Variants in DOCK4 observed in about 807,000 individuals in gnomAD.
The protein encoded by DOCK4 is dedicator of cytokinesis protein 4.
DOCK4 carries 97 observed loss-of-function variants against 268.1 expected under a neutral mutation model. That is an observed-to-expected ratio of 0.36 (90% CI 0.31 to 0.43). The LOEUF is 0.43. DOCK4 is among the 20% of genes least tolerant of loss of function. The pLI is 1.00. For synonymous variants in DOCK4, 954 were observed against 887.2 expected (o/e 1.08, Z -1.34); for missense variants, 2,145 against 2,455.7 (o/e 0.87, Z 2.67).
At chr7:111,933,629 C>T (rs937240147) in intron 12 of DOCK4, among the ~76,000 whole-genome samples, 5 of 151,970 alleles carry the variant, frequency 3.3e-5, no homozygotes, top group Admixed American at 6.6e-5. Context: ...AAAGAGAAGA[C>T]AAGCATACAT....
chr7:111,935,010 A>ACAGAACAGTCACAAATCCAAGC (rs1794612054), intron 12 of DOCK4, among the ~76,000 whole-genome samples: 1 of 151,508 alleles, frequency 6.6e-6, no homozygotes, highest in African/African-American at 2.4e-5. Flanking sequence ...GCAATGGCAC[A>ACAGAACAGTCACAAATCCAAGC]ATCTCAGCTC....
At chr7:111,740,797 T>TCTGAG (rs1406423485) in intron 47 of DOCK4, among the ~76,000 whole-genome samples, 1 of 119,714 alleles carries the variant, frequency 8.4e-6, no homozygotes, top group Non-Finnish European at 1.6e-5. Context: ...GGCAACACAC[T>TCTGAG]CTGAGAGTCC....
intron 12 of DOCK4, among the ~76,000 whole-genome samples, chr7:111,916,259 T>C (rs1347320492): frequency 6.6e-6 from 1 of 151,966 alleles, no homozygotes; most frequent in Non-Finnish European, 1.5e-5. Context: ...CCCTAAAAAA[T>C]ACTGACATCA....
At chr7:112,064,998 T>C (rs1314271248) in intron 1 of DOCK4, among the ~76,000 whole-genome samples, 1 of 152,122 alleles carries the variant, frequency 6.6e-6, no homozygotes, top group East Asian at 1.9e-4. Context: ...CTGTAAAAAA[T>C]AAGTTTCTGT....
chr7:111,804,079 C>T (rs1800489325), intron 30 of DOCK4, among the ~76,000 whole-genome samples: 2 of 152,142 alleles, frequency 1.3e-5, no homozygotes, highest in African/African-American at 4.8e-5. Context: ...CCAGCAATTC[C>T]ACTTCTGGCT....
At chr7:111,964,125 A>T (rs1249088238) in intron 8 of DOCK4, among the ~76,000 whole-genome samples, 2 of 148,542 alleles carry the variant, frequency 1.3e-5, no homozygotes, top group Non-Finnish European at 3.0e-5. Flanking sequence ...GAACAGAAAA[A>T]CTGGAAACTC....
At chr7:111,834,762 C>T in intron 25 of DOCK4, 76 bp from the exon 26 acceptor site, 1 of 978,210 alleles carries the variant, frequency 1.0e-6, no homozygotes, top group Non-Finnish European at 1.5e-6. Context: ...TTACACTGAA[C>T]TGTCCTCAAA....
At chr7:111,734,811 T>G (rs955691961) in intron 51 of DOCK4, among the ~76,000 whole-genome samples, 17 of 152,144 alleles carry the variant, frequency 1.1e-4, no homozygotes, top group African/African-American at 3.9e-4. Flanking sequence ...TTGAGAATGG[T>G]GGCTTGGTAA....
chr7:112,182,718 C>A (rs1360575896), intron 1 of DOCK4, among the ~76,000 whole-genome samples: 2 of 152,226 alleles, frequency 1.3e-5, no homozygotes, highest in African/African-American at 2.4e-5. Context: ...AGAAGCAGGT[C>A]AAACTGAAGT....
At chr7:111,780,646 T>C (rs17158815) in intron 35 of DOCK4, among the ~76,000 whole-genome samples, 2 of 152,248 alleles carry the variant, frequency 1.3e-5, no homozygotes, top group African/African-American at 4.8e-5. Context: ...ATGTCAAATA[T>C]TACTTTTTTA....
At chr7:111,899,333 T>G (rs1427915774) in intron 15 of DOCK4, among the ~76,000 whole-genome samples, 2 of 152,206 alleles carry the variant, frequency 1.3e-5, no homozygotes, top group African/African-American at 4.8e-5. Context: ...GCCTGCTGCT[T>G]CTTCAAAAAT....
intron 1 of DOCK4, among the ~76,000 whole-genome samples, chr7:112,135,299 T>C (rs1210400841): frequency 6.6e-6 from 1 of 152,200 alleles, no homozygotes; most frequent in Non-Finnish European, 1.5e-5. Flanking sequence ...TTCATTAATA[T>C]ATTTACGCTT....
chr7:111,772,876 G>A (rs1389188965), intron 36 of DOCK4, among the ~76,000 whole-genome samples: 2 of 152,174 alleles, frequency 1.3e-5, no homozygotes, highest in African/African-American at 4.8e-5. Context: ...CAATCAGCTT[G>A]CCCTTGGAAG....
At chr7:111,979,081 T>C (rs1049203463) in intron 7 of DOCK4, among the ~76,000 whole-genome samples, 1 of 152,212 alleles carries the variant, frequency 6.6e-6, no homozygotes, top group Non-Finnish European at 1.5e-5. Flanking sequence ...ACGTCTACAT[T>C]AGCCATCTTT....
intron 17 of DOCK4, among the ~76,000 whole-genome samples, chr7:111,876,391 A>G (rs929166708): frequency 2.0e-5 from 3 of 152,224 alleles, no homozygotes; most frequent in African/African-American, 7.2e-5. Flanking sequence ...GTTTAGGCAC[A>G]GGTTTTTATG....
intron 15 of DOCK4, among the ~76,000 whole-genome samples, chr7:111,898,846 A>T (rs1790887220): frequency 6.6e-6 from 1 of 152,232 alleles, no homozygotes; most frequent in Non-Finnish European, 1.5e-5. Flanking sequence ...GTAGAGATCC[A>T]ATAGATTTTA....
At chr7:112,072,278 T>C (rs1807664560) in intron 1 of DOCK4, among the ~76,000 whole-genome samples, 1 of 152,130 alleles carries the variant, frequency 6.6e-6, no homozygotes, top group Non-Finnish European at 1.5e-5. Flanking sequence ...CAAAATAACA[T>C]GACAACAAGA....
At chr7:111,763,532 ACT>A (rs1797582771) in intron 39 of DOCK4, among the ~76,000 whole-genome samples, 1 of 152,134 alleles carries the variant, frequency 6.6e-6, no homozygotes, top group Admixed American at 6.5e-5. Flanking sequence ...AATTTGCTAA[ACT>A]CTCTTTAAAA....
intron 2 of DOCK4, among the ~76,000 whole-genome samples, chr7:112,001,861 G>T (rs1323286529): frequency 6.6e-6 from 1 of 152,140 alleles, no homozygotes; most frequent in Admixed American, 6.6e-5. Context: ...CAATAAGCAG[G>T]CTCAAGGACT....
Sources: gnomAD v4.1 joint callset for allele counts (sites outside exome capture counted in the v4.1 genomes callset) on GRCh38, gnomAD v4.1.1 for gene constraint, MANE v1.5 for transcripts, NCBI Gene and HGNC (gene_info 2026-07-23, HGNC 2026-07-21) for gene names.